KCNIP4: variants seen among roughly 807,000 people sequenced by gnomAD.
KCNIP4 encodes the protein Kv channel-interacting protein 4.
KCNIP4 carries 12 observed loss-of-function variants against 34.0 expected under a neutral mutation model. The observed-to-expected ratio is 0.35, with a 90% CI of 0.23 to 0.57. KCNIP4 has a LOEUF of 0.57. Ranked by LOEUF, KCNIP4 falls within the 20% of genes least tolerant of loss-of-function variation. KCNIP4 has a pLI of 0.83. For synonymous variants in KCNIP4, 124 were observed against 102.2 expected (o/e 1.21, Z -1.29); for missense variants, 238 against 311.7 (o/e 0.76, Z 1.78).
At position 21,349,722 on chromosome 4, in the gene KCNIP4, G is replaced by A. The variant is rs529489466; in HGVS notation, c.62-467013C>T. On this transcript the variant is annotated intron_variant, in intron 1 of 8. Coordinates refer to ENST00000382152, the MANE Select transcript of KCNIP4 (RefSeq NM_025221.6). ...TGGGTTCTTAAAGGTAGAGTGTGCA[G>A]GGGCAGGTAACCCACAGTTCTCCCT... Among the ~76,000 whole-genome samples the A allele has an allele frequency of 8.5e-5, 13 of 152,250 alleles. No homozygotes were observed. In the South Asian group the frequency reaches 2.5e-3, roughly 29 times the overall value.
intron 1 of KCNIP4, among the ~76,000 whole-genome samples, chr4:21,191,129 T>C (rs1755615214): frequency 1.3e-5 from 2 of 152,194 alleles, no homozygotes; most frequent in Non-Finnish European, 2.9e-5. Flanking sequence ...CAAAAGAGAA[T>C]TGTTTGCAGT....
At chr4:21,072,951 G>A (rs912446363) in intron 1 of KCNIP4, among the ~76,000 whole-genome samples, 1 of 152,156 alleles carries the variant, frequency 6.6e-6, no homozygotes, top group African/African-American at 2.4e-5. Flanking sequence ...AGATCAGATG[G>A]TTGTAGATGT....
At chr4:21,480,679 A>G (rs1308641223) in intron 1 of KCNIP4, among the ~76,000 whole-genome samples, 1 of 152,206 alleles carries the variant, frequency 6.6e-6, no homozygotes, top group Non-Finnish European at 1.5e-5. Flanking sequence ...AGTTTATAAT[A>G]ATGGCAAAAT....
At chr4:21,368,847 A>G (rs1720057396) in intron 1 of KCNIP4, among the ~76,000 whole-genome samples, 1 of 147,618 alleles carries the variant, frequency 6.8e-6, no homozygotes, top group South Asian at 2.1e-4. Context: ...AGCACAACCT[A>G]TGTATGTTCT....
At chr4:21,945,293 G>A (rs1406638903) in intron 1 of KCNIP4, among the ~76,000 whole-genome samples, 1 of 152,120 alleles carries the variant, frequency 6.6e-6, no homozygotes, top group Non-Finnish European at 1.5e-5. Flanking sequence ...TTTTATGAGA[G>A]GGCATAAGCT....
intron 1 of KCNIP4, among the ~76,000 whole-genome samples, chr4:21,328,525 CAG>C (rs1715312854): frequency 6.6e-6 from 1 of 152,168 alleles, no homozygotes. Flanking sequence ...GACCCAAAGA[CAG>C]TACAGCACTG....
At chr4:21,809,769 G>T (rs1009581653) in intron 1 of KCNIP4, among the ~76,000 whole-genome samples, 7 of 152,064 alleles carry the variant, frequency 4.6e-5, no homozygotes, top group Non-Finnish European at 1.0e-4. Flanking sequence ...CACTTCAAAT[G>T]CTACTCTAAT....
intron 1 of KCNIP4, among the ~76,000 whole-genome samples, chr4:21,833,348 T>C (rs1432089579): frequency 6.6e-6 from 1 of 152,198 alleles, no homozygotes; most frequent in Admixed American, 6.5e-5. Context: ...CAAGTGATGG[T>C]GAGCATTTTT....
chr4:21,631,557 G>C (rs1161613889), intron 1 of KCNIP4, among the ~76,000 whole-genome samples: 2 of 152,122 alleles, frequency 1.3e-5, no homozygotes, highest in Admixed American at 6.6e-5. Context: ...TTCAAAAAAT[G>C]TATTTCTATC....
chr4:21,531,321 C>T (rs932308578), intron 1 of KCNIP4, among the ~76,000 whole-genome samples: 4 of 139,466 alleles, frequency 2.9e-5, no homozygotes, highest in Non-Finnish European at 6.2e-5. Flanking sequence ...TCCTTCCTTC[C>T]TTCCTCCCTC....
intron 1 of KCNIP4, among the ~76,000 whole-genome samples, chr4:21,673,090 C>T (rs1204489983): frequency 6.6e-6 from 1 of 152,186 alleles, no homozygotes; most frequent in Non-Finnish European, 1.5e-5. Flanking sequence ...TCATGATTGC[C>T]ATAGCCTGGT....
chr4:21,366,435 C>CAAAAAGGAAAT (rs1719772106), intron 1 of KCNIP4, among the ~76,000 whole-genome samples: 1 of 152,100 alleles, frequency 6.6e-6, no homozygotes, highest in Non-Finnish European at 1.5e-5. Context: ...AGAGGAAAAA[C>CAAAAAGGAAAT]AAAAAGGAAA....
At chr4:20,735,518 G>GTTTT (rs754949562) in intron 5 of KCNIP4, among the ~76,000 whole-genome samples, 1 of 130,808 alleles carries the variant, frequency 7.6e-6, no homozygotes. Context: ...TTCATTTAGT[G>GTTTT]TTTTTTTTTT....
At chr4:21,906,425 A>C (rs1728005314) in intron 1 of KCNIP4, among the ~76,000 whole-genome samples, 1 of 152,176 alleles carries the variant, frequency 6.6e-6, no homozygotes, top group Non-Finnish European at 1.5e-5. Context: ...CCACAAGCCA[A>C]GGAATGTCAA....
intron 2 of KCNIP4, among the ~76,000 whole-genome samples, chr4:20,851,872 G>C (rs766005074): frequency 1.8e-4 from 28 of 152,102 alleles, no homozygotes; most frequent in Non-Finnish European, 3.2e-4. Flanking sequence ...GTTCACTAAG[G>C]ATTCCAATGA....
At chr4:20,807,507 A>G (rs1715235239) in intron 3 of KCNIP4, among the ~76,000 whole-genome samples, 1 of 152,144 alleles carries the variant, frequency 6.6e-6, no homozygotes. Context: ...AAAAAAAAGA[A>G]TATGCCTCAG....
Position 21,178,175 on chromosome 4 carries a change from T to G in KCNIP4, c.62-295466A>C, listed in dbSNP as rs1463827199. Among the ~76,000 whole-genome samples, 4 of 152,152 alleles carry G rather than the reference T, an allele frequency of 2.6e-5. No individual in the cohort carries two copies. The East Asian group carries it at 7.7e-4, about 29-fold the overall frequency. Reference sequence around the variant, plus strand: ...TCTGCCTTAGAAATAAGGTTCTTCCTCTTAATGAAAGTGGTTAGTCTGGTG... The same window carrying G: ...TCTGCCTTAGAAATAAGGTTCTTCCGCTTAATGAAAGTGGTTAGTCTGGTG... On this transcript the variant is annotated intron_variant, in intron 1 of 8. Transcript: ENST00000382152.
At chr4:21,706,606 A>G (rs1713285811) in intron 1 of KCNIP4, among the ~76,000 whole-genome samples, 2 of 152,188 alleles carry the variant, frequency 1.3e-5, no homozygotes, top group South Asian at 2.1e-4. Context: ...GCTTCTTAGA[A>G]TGGAAAAATA....
At chr4:21,858,575 A>G (rs1481794383) in intron 1 of KCNIP4, among the ~76,000 whole-genome samples, 1 of 152,232 alleles carries the variant, frequency 6.6e-6, no homozygotes, top group East Asian at 1.9e-4. Context: ...ATTCAACTCA[A>G]AAGGTTCACT....
Sources: gnomAD v4.1 joint callset for allele counts (sites outside exome capture counted in the v4.1 genomes callset) on GRCh38, gnomAD v4.1.1 for gene constraint, MANE v1.5 for transcripts, NCBI Gene and HGNC (gene_info 2026-07-23, HGNC 2026-07-21) for gene names.